C2CD3: variants seen among roughly 807,000 people sequenced by gnomAD.
The protein encoded by C2CD3 is C2 domain-containing protein 3.
A neutral mutation model predicts 234.0 loss-of-function variants in C2CD3; 148 were observed. The observed-to-expected ratio is 0.63, with a 90% CI of 0.55 to 0.72. C2CD3 has a LOEUF of 0.72. Ranked by LOEUF, C2CD3 falls within the 30% of genes least tolerant of loss-of-function variation. C2CD3 has a pLI of 0.00. For synonymous variants in C2CD3, 1,000 were observed against 1,035.4 expected, an observed-to-expected ratio of 0.97 and a Z score of 0.66; for missense variants, 2,577 against 2,811.5, an observed-to-expected ratio of 0.92 and a Z score of 1.89.
At position 74,139,624 on chromosome 11, in the gene C2CD3, T is replaced by C. The variant is rs1957979883; in HGVS notation, c.688A>G (p.Ser230Gly). Residue 230 changes from serine (S) to glycine (G), a missense_variant, in exon 4 of 33, where the codon AGT becomes GGT. Physicochemically the swap from Ser to Gly is moderately conservative, Grantham distance 56 (BLOSUM62 0). Transcript: ENST00000334126. ...AATTACCTCGGAGTGGTTGATCTAC[T>C]GCTGTTGGCTGCTAACTCTTTTCCA... ...IDGKELAANSSRSTTPRGKDH... is the reference protein window; with the variant it reads ...IDGKELAANSGRSTTPRGKDH... 6.2e-7 allele frequency: 1 copy of C among 1,613,262 alleles called. No homozygotes were observed. Among genetic ancestry groups the C allele is most frequent in the Non-Finnish European group, 8.5e-7 (1 of 1,179,312 alleles).
intron 26 of C2CD3, among the ~76,000 whole-genome samples, chr11:74,051,099 C>G (rs1953661345): frequency 6.6e-6 from 1 of 150,946 alleles, no homozygotes; most frequent in Non-Finnish European, 1.5e-5. Context: ...CCAGTCTGTG[C>G]AACATAACAT....
intron 7 of C2CD3, among the ~76,000 whole-genome samples, chr11:74,132,365 C>T (rs1223029266): frequency 6.6e-6 from 1 of 150,802 alleles, no homozygotes; most frequent in Non-Finnish European, 1.5e-5. Flanking sequence ...AAACAAAAAA[C>T]AAAAAAAAAC....
intron 3 of C2CD3, among the ~76,000 whole-genome samples, chr11:74,157,437 C>T (rs1407437349): frequency 1.3e-5 from 2 of 152,128 alleles, no homozygotes; most frequent in Non-Finnish European, 2.9e-5. Flanking sequence ...AGACTCACTT[C>T]ACCCTTAAGT....
At chr11:74,077,924 G>A (rs965505925) in intron 23 of C2CD3, among the ~76,000 whole-genome samples, 191 bp downstream of exon 23, 3 of 148,250 alleles carry the variant, frequency 2.0e-5, no homozygotes, top group African/African-American at 7.4e-5. Flanking sequence ...ACACTTACTA[G>A]TCTGTGACCC....
intron 14 of C2CD3, among the ~76,000 whole-genome samples, chr11:74,102,525 G>C (rs1245278473): frequency 3.3e-5 from 5 of 152,190 alleles, no homozygotes. Context: ...GGGAGAAGTG[G>C]GTTGATTTGG....
At chr11:74,088,818 G>A (rs927869360) in intron 20 of C2CD3, among the ~76,000 whole-genome samples, 1 of 152,056 alleles carries the variant, frequency 6.6e-6, no homozygotes, top group Non-Finnish European at 1.5e-5. Flanking sequence ...ACCCCTTTTG[G>A]GTATCTTGAT....
chr11:74,033,200 G>C, intron 31 of C2CD3, 151 bp downstream of exon 31: 1 of 641,104 alleles, frequency 1.6e-6, no homozygotes, highest in Non-Finnish European at 2.7e-6. Flanking sequence ...TGGTAAAACT[G>C]TAGCACCTGT....
At chr11:74,046,023 A>C (rs1273924073) in intron 28 of C2CD3, among the ~76,000 whole-genome samples, 2 of 152,236 alleles carry the variant, frequency 1.3e-5, no homozygotes, top group Non-Finnish European at 2.9e-5. Flanking sequence ...ACTAATTTTT[A>C]ATAGTATAAA....
chr11:74,143,092 AC>A (rs1403363257), intron 3 of C2CD3, among the ~76,000 whole-genome samples: 1 of 151,690 alleles, frequency 6.6e-6, no homozygotes, highest in African/African-American at 2.4e-5. Flanking sequence ...TAAATATATC[AC>A]CCCTCTTCCA....
rs1302600589 is a variant in C2CD3 at position 74,090,816 on chromosome 11, G to A, written c.3638C>T (p.Ala1213Val). Residue 1213 changes from alanine (A) to valine (V), a missense_variant, in exon 20 of 33, where the codon GCC (alanine) becomes GTC (valine). By Grantham distance (64) the Ala-to-Val change is moderately conservative. Coordinates refer to ENST00000334126, the MANE Select transcript of C2CD3 (RefSeq NM_001286577.2). ...IIRACGLQAA[A>V]KALAEREPAL... ...TGCTTGTCTCAGGTGGACTTACTTG[G>A]CTGCTGCTTGCAGACCACAGGCTCT... 2 of 1,614,064 alleles carry A rather than the reference G, an allele frequency of 1.2e-6. No individual in the cohort carries two copies. Among genetic ancestry groups the A allele is most frequent in the South Asian group, 2.2e-5 (2 of 91,072 alleles).
intron 32 of C2CD3, 150 bp downstream of exon 32, chr11:74,028,137 C>T (rs1039013283): frequency 3.6e-6 from 2 of 555,220 alleles, no homozygotes; most frequent in Non-Finnish European, 3.1e-6. Flanking sequence ...CACTGCTGGG[C>T]CCACAGAATA....
At chr11:74,109,944 A>G (rs1409160741) in intron 11 of C2CD3, among the ~76,000 whole-genome samples, 1 of 151,930 alleles carries the variant, frequency 6.6e-6, no homozygotes. Context: ...AGCTGGGCGC[A>G]GTGGCAGACG....
In C2CD3 at chr11:74,118,291, G is replaced by T. The variant is rs764311725; in HGVS notation, c.1457C>A (p.Ser486Ter). 1 of 1,613,606 alleles carries T rather than the reference G, an allele frequency of 6.2e-7. No individual in the cohort carries two copies. Among genetic ancestry groups the T allele is most frequent in the Non-Finnish European group, 8.5e-7 (1 of 1,179,588 alleles). Residue 486 changes from serine (S) to a stop codon, truncating the protein, a stop_gained, in exon 9 of 33, where the codon TCA becomes TAA. Transcript: ENST00000334126. LOFTEE classifies it high-confidence loss of function. ...ATCACTTGACTCCAGAACCTTAGAT[G>T]ATCTGGCAAGAGCTGTTGACTGGCT... ...KISQSTALAR[S>*]SKVLESSDHK...
chr11:74,023,428 C>T (rs1475125249), intron 32 of C2CD3, among the ~76,000 whole-genome samples: 1 of 152,232 alleles, frequency 6.6e-6, no homozygotes, highest in Non-Finnish European at 1.5e-5. Flanking sequence ...GGACAGGGCT[C>T]CTGCCCTTGC....
intron 31 of C2CD3, among the ~76,000 whole-genome samples, chr11:74,032,917 C>A (rs780018171): frequency 3.3e-5 from 5 of 150,332 alleles, no homozygotes; most frequent in Admixed American, 6.6e-5. Flanking sequence ...CTTATATATG[C>A]AAAATAGGGA....
intron 1 of C2CD3, 48 bp downstream of exon 1, chr11:74,170,690 C>G: frequency 6.2e-7 from 1 of 1,611,310 alleles, no homozygotes; most frequent in Non-Finnish European, 8.5e-7. Flanking sequence ...ATTCCTTACA[C>G]CCTGCTCTCC....
intron 22 of C2CD3, among the ~76,000 whole-genome samples, chr11:74,083,925 C>T (rs1955517256): frequency 6.6e-6 from 1 of 152,142 alleles, no homozygotes; most frequent in Admixed American, 6.5e-5. Flanking sequence ...CCATTTGACC[C>T]AGCCATCCCA....
At chr11:74,079,051 T>C (rs1191211661) in intron 22 of C2CD3, among the ~76,000 whole-genome samples, 3 of 152,204 alleles carry the variant, frequency 2.0e-5, no homozygotes, top group Non-Finnish European at 2.9e-5. Context: ...AAAGTTGTTA[T>C]GATTGTCCAA....
rs141007213 is a variant in C2CD3 at position 74,062,830 on chromosome 11, T to C, written c.4952-5286A>G. 8.1e-3 allele frequency among the ~76,000 whole-genome samples: 1,200 copies of C among 148,534 alleles called. 14 individuals carry two copies. The highest frequency in any genetic ancestry group is 0.013 in the Non-Finnish European group (861 of 67,236). ...AAAACCCTTCAAAAAAAAAAACCAATGAATCCAGGAGCTGGTTTTTTGAAA... is the reference window on the plus strand; with the variant it reads ...AAAACCCTTCAAAAAAAAAAACCAACGAATCCAGGAGCTGGTTTTTTGAAA... On this transcript the variant is annotated intron_variant, in intron 24 of 32. Coordinates refer to ENST00000334126, the MANE Select transcript of C2CD3 (RefSeq NM_001286577.2).
Sources: allele counts gnomAD v4.1 joint callset (sites outside exome capture counted in the v4.1 genomes callset), GRCh38; gene constraint gnomAD v4.1.1; transcripts MANE v1.5; gene names NCBI Gene and HGNC (gene_info 2026-07-23, HGNC 2026-07-21).